Variants in ZMYM4 observed in about 807,000 individuals in gnomAD.
ZMYM4 encodes the protein zinc finger MYM-type protein 4.
ZMYM4 carries 31 observed loss-of-function variants against 183.2 expected under a neutral mutation model. The ratio of observed to expected loss-of-function variants is 0.17; its 90% CI spans 0.13 to 0.23. The LOEUF (loss-of-function observed/expected upper bound fraction) is 0.23, where lower values mean the gene tolerates loss of function less well. Ranked by LOEUF, ZMYM4 falls within the 10% of genes least tolerant of loss-of-function variation. The pLI, the probability that ZMYM4 is intolerant of heterozygous loss-of-function variation, is 1.00. For missense variants in ZMYM4, 1,273 were observed against 1,840.3 expected (o/e 0.69, Z 5.64); for synonymous variants, 592 against 631.2 (o/e 0.94, Z 0.93).
At chr1:35,272,810 G>T (rs1318264075) in intron 1 of ZMYM4, among the ~76,000 whole-genome samples, 1 of 152,164 alleles carries the variant, frequency 6.6e-6, no homozygotes. Flanking sequence ...CCGGGTTCAC[G>T]CCATTCCTTC....
chr1:35,384,608 T>A (rs569113167), intron 9 of ZMYM4, among the ~76,000 whole-genome samples: 2 of 152,252 alleles, frequency 1.3e-5, no homozygotes, highest in South Asian at 2.1e-4. Flanking sequence ...GAGTATTTTT[T>A]TTATTATTAG....
chr1:35,305,209 G>A (rs1363061423), intron 1 of ZMYM4, among the ~76,000 whole-genome samples: 1 of 152,114 alleles, frequency 6.6e-6, no homozygotes, highest in Non-Finnish European at 1.5e-5. Context: ...ATACCACTTG[G>A]GTCAAGTTGG....
chr1:35,409,107 A>T (rs1639765542), intron 26 of ZMYM4, among the ~76,000 whole-genome samples: 1 of 152,236 alleles, frequency 6.6e-6, no homozygotes, highest in African/African-American at 2.4e-5. Flanking sequence ...AGCATGAATC[A>T]ATATAGCATT....
intron 1 of ZMYM4, among the ~76,000 whole-genome samples, chr1:35,307,225 A>C (rs771889631): frequency 7.2e-5 from 11 of 152,216 alleles, no homozygotes; most frequent in African/African-American, 4.8e-5. Flanking sequence ...AGAGAGACTA[A>C]CTGAATTTGA....
chr1:35,340,641 A>C (rs1643166976), intron 2 of ZMYM4, among the ~76,000 whole-genome samples: 1 of 152,004 alleles, frequency 6.6e-6, no homozygotes, highest in Non-Finnish European at 1.5e-5. Flanking sequence ...CTCCTATGAG[A>C]ATTTAATGCT....
At chr1:35,383,506 C>T (rs1558134824) in intron 9 of ZMYM4, among the ~76,000 whole-genome samples, 1 of 151,920 alleles carries the variant, frequency 6.6e-6, no homozygotes, top group Non-Finnish European at 1.5e-5. Flanking sequence ...TGTGAAAACA[C>T]ACTATAATGG....
At chr1:35,325,589 ATTC>A (rs999271667) in intron 2 of ZMYM4, among the ~76,000 whole-genome samples, 184 bp downstream of exon 2, 8 of 151,928 alleles carry the variant, frequency 5.3e-5, no homozygotes, top group Admixed American at 2.0e-4. Context: ...TAAGAATCTT[ATTC>A]TTTTTTTCAA....
Position 35,405,058 on chromosome 1 carries a change from G to C in ZMYM4, c.3564G>C (p.Arg1188Ser), listed in dbSNP as rs1185199127. The C allele has an allele frequency of 1.2e-6, 2 of 1,613,852 alleles. No individual in the cohort carries two copies. Among genetic ancestry groups the C allele is most frequent in the South Asian group, 2.2e-5 (2 of 91,018 alleles). Residue 1188 changes from arginine (R) to serine (S), a missense_variant, in exon 24 of 30, where the codon AGG becomes AGC. By Grantham distance (110) the Arg-to-Ser change is moderately radical (BLOSUM62 -1). Coordinates refer to ENST00000314607, the MANE Select transcript of ZMYM4 (RefSeq NM_005095.3). The stretch of plus-strand genomic sequence containing the variant: ...AGTCTATAGTGGCTGTGGAGCCCAG[G>C]AGTCTTATTCAAGGAGCCTTTCAAG... Reference protein sequence around the residue: ...RKKSIVAVEPRSLIQGAFQGC... With the variant: ...RKKSIVAVEPSSLIQGAFQGC...
At chr1:35,365,072 G>A (rs1174295966) in intron 5 of ZMYM4, among the ~76,000 whole-genome samples, 3 of 152,022 alleles carry the variant, frequency 2.0e-5, no homozygotes, top group Admixed American at 1.3e-4. Context: ...TACAGTTACA[G>A]ATGCTTTTAC....
At chr1:35,323,574 C>T (rs781214582) in intron 1 of ZMYM4, among the ~76,000 whole-genome samples, 3 of 149,314 alleles carry the variant, frequency 2.0e-5, no homozygotes, top group South Asian at 2.1e-4. Flanking sequence ...GACAGAGTCT[C>T]GCTCTGTCGC....
intron 29 of ZMYM4, among the ~76,000 whole-genome samples, chr1:35,418,852 GTTATT>G (rs1342416305): frequency 6.6e-6 from 1 of 152,116 alleles, no homozygotes; most frequent in Non-Finnish European, 1.5e-5. Context: ...CTAATCTGTA[GTTATT>G]TTGTTATTTG....
chr1:35,298,506 G>A (rs1641125298), intron 1 of ZMYM4, among the ~76,000 whole-genome samples: 1 of 152,174 alleles, frequency 6.6e-6, no homozygotes, highest in Non-Finnish European at 1.5e-5. Flanking sequence ...TCCCATAGGG[G>A]TGCTGCTGAA....
intron 9 of ZMYM4, 78 bp downstream of exon 9, chr1:35,381,836 A>G: frequency 6.5e-7 from 1 of 1,541,962 alleles, no homozygotes; most frequent in East Asian, 2.3e-5. Flanking sequence ...ATTTATGAAA[A>G]TGTTGTTTTG....
intron 2 of ZMYM4, among the ~76,000 whole-genome samples, chr1:35,358,660 T>G (rs1017418642): frequency 1.2e-4 from 19 of 152,152 alleles, no homozygotes; most frequent in African/African-American, 4.6e-4. Context: ...TATGTCTGAT[T>G]CTGAAGTTGG....
At chr1:35,351,316 T>A in intron 2 of ZMYM4, 1 of 1,578,912 alleles carries the variant, frequency 6.3e-7, no homozygotes, top group Non-Finnish European at 8.7e-7. Context: ...AAGCACATCA[T>A]GGGCCAGAAA....
chr1:35,359,324 G>A lies in ZMYM4; in HGVS notation c.485G>A (p.Ser162Asn), dbSNP rs780932796. ...GATTTTAGTCTAGTAAGAGAAAACA[G>A]CAAAGAGACATTTTCTGGAAAGGAG... is the stretch of plus-strand genomic sequence containing the variant. ...RKDFSLVREN[S>N]KETFSGKEKN... The change falls in exon 3 of 30, where the codon AGC becomes AAC. Residue 162 changes from serine (S) to asparagine (N), a missense_variant. Coordinates refer to ENST00000314607, the MANE Select transcript of ZMYM4 (RefSeq NM_005095.3). 6.2e-7 allele frequency: 1 copy of A among 1,610,952 alleles called. No homozygotes were observed. The highest frequency in any genetic ancestry group is 8.5e-7 in the Non-Finnish European group (1 of 1,179,062).
At chr1:35,338,380 A>G (rs1460748220) in intron 2 of ZMYM4, among the ~76,000 whole-genome samples, 1 of 152,162 alleles carries the variant, frequency 6.6e-6, no homozygotes, top group African/African-American at 2.4e-5. Context: ...GGATCCTGCA[A>G]CCAAGCGTGG....
intron 2 of ZMYM4, among the ~76,000 whole-genome samples, chr1:35,335,544 T>C (rs959725352): frequency 6.6e-6 from 1 of 152,144 alleles, no homozygotes; most frequent in African/African-American, 2.4e-5. Context: ...TGGCCCTCAT[T>C]GCGTATTTCT....
chr1:35,362,389 CTG>C (rs1305845723), intron 5 of ZMYM4, among the ~76,000 whole-genome samples: 1 of 152,182 alleles, frequency 6.6e-6, no homozygotes, highest in Non-Finnish European at 1.5e-5. Flanking sequence ...GATCTTAAAA[CTG>C]TGAGGTCCTG....
Sources: allele counts gnomAD v4.1 joint callset (sites outside exome capture counted in the v4.1 genomes callset), GRCh38; gene constraint gnomAD v4.1.1; transcripts MANE v1.5; gene names NCBI Gene and HGNC (gene_info 2026-07-23, HGNC 2026-07-21).